AGR3: variants seen among roughly 807,000 people sequenced by gnomAD.
The protein encoded by AGR3 is anterior gradient protein 3.
AGR3 carries 37 observed loss-of-function variants against 24.5 expected under a neutral mutation model. The ratio of observed to expected loss-of-function variants is 1.51; its 90% CI spans 1.16 to 1.99. The LOEUF (loss-of-function observed/expected upper bound fraction) is 1.99. Ranked by LOEUF, AGR3 falls within the 30% of genes most tolerant of loss-of-function variation. The pLI, the probability that AGR3 is intolerant of heterozygous loss-of-function variation, is 0.00. For missense variants in AGR3, 228 were observed against 191.1 expected (o/e 1.19, Z -1.14); for synonymous variants, 75 against 61.6 (o/e 1.22, Z -1.02).
downstream of AGR3, among the ~76,000 whole-genome samples, chr7:16,858,050 C>G (rs535389042): frequency 3.3e-5 from 5 of 149,928 alleles, no homozygotes; most frequent in African/African-American, 9.9e-5. Context: ...TGCAATGGAA[C>G]GATCTTGGCT....
At chr7:16,869,869 G>A (rs1180102232) in intron 3 of AGR3, among the ~76,000 whole-genome samples, 1 of 151,464 alleles carries the variant, frequency 6.6e-6, no homozygotes, top group Non-Finnish European at 1.5e-5. Flanking sequence ...TAATGATTAA[G>A]GCCTAATCCC....
downstream of AGR3, among the ~76,000 whole-genome samples, chr7:16,859,231 CA>C (rs35424582): frequency 0.019 from 2,879 of 148,270 alleles, 95 homozygotes; most frequent in African/African-American, 0.068. Context: ...GACTGCATCT[CA>C]AAAAAAAAAA....
chr7:16,865,012 A>G, intron 3 of AGR3: 1 of 869,550 alleles, frequency 1.2e-6, no homozygotes. Context: ...CTCAGGTTCA[A>G]CAAGTATGTA....
chr7:16,861,619 G>T (rs1322483189), intron 5 of AGR3, among the ~76,000 whole-genome samples, 172 bp from the exon 6 acceptor site: 6 of 152,144 alleles, frequency 3.9e-5, no homozygotes, highest in Non-Finnish European at 7.4e-5. Context: ...AAAAAAAGGA[G>T]GCTGGGCATG....
intron 3 of AGR3, chr7:16,865,648 C>A (rs1350825299): frequency 3.8e-6 from 3 of 783,698 alleles, no homozygotes; most frequent in Admixed American, 3.5e-5. Context: ...GAATTATCTT[C>A]TTATCAGTTC....
rs1046606687 is a variant in AGR3, at chr7:16,878,760, T to C, written c.-27-115A>G. On this transcript the variant is annotated intron_variant, in intron 1 of 7. Transcript: ENST00000310398. ...ATGACAGACTGTTCAGCTTTTTTGGTTTGACATGGTATAACCAACCACATA... is the reference window on the plus strand; with the variant it reads ...ATGACAGACTGTTCAGCTTTTTTGGCTTGACATGGTATAACCAACCACATA... The C allele has an allele frequency of 7.1e-6, 5 of 705,962 alleles. No homozygotes were observed. The Admixed American group carries it at 1.4e-4, about 20-fold the overall frequency. 43.7% of individuals were successfully genotyped at this position (705,962 alleles called of 1,614,324 possible).
intron 3 of AGR3, chr7:16,873,502 A>G (rs1227096395): frequency 1.7e-5 from 5 of 286,776 alleles, no homozygotes; most frequent in Non-Finnish European, 3.3e-5. Context: ...ATAGCTAGAT[A>G]GGAGGAATAA....
At chr7:16,873,555 AC>A (rs1781925197) in intron 3 of AGR3, 1 of 501,334 alleles carries the variant, frequency 2.0e-6, no homozygotes, top group Admixed American at 3.2e-5. Flanking sequence ...CATACAGTTA[AC>A]AATAGTTTAT....
Position 16,881,459 on chromosome 7 carries a change from T to G in AGR3, c.-28+485A>C, listed in dbSNP as rs76091404. ...GTATCAGTTGCAAGGTTAAGCTACT[T>G]GGGGGAACACAGATAAATGTGGCAT... On this transcript the variant is annotated intron_variant, in intron 1 of 7. Transcript: ENST00000310398. Among the ~76,000 whole-genome samples, 1,230 of 152,292 alleles carry G rather than the reference T, an allele frequency of 8.1e-3. 22 individuals carry two copies. Among genetic ancestry groups the G allele is most frequent in the African/African-American group, 0.028 (1,165 of 41,564 alleles).
intron 2 of AGR3, among the ~76,000 whole-genome samples, chr7:16,876,190 G>A (rs547690072): frequency 2.6e-5 from 4 of 152,206 alleles, no homozygotes; most frequent in East Asian, 1.9e-4. Flanking sequence ...TATTTACTCT[G>A]TTATAATCAC....
intron 3 of AGR3, among the ~76,000 whole-genome samples, chr7:16,869,738 C>G (rs1369895172): frequency 6.7e-6 from 1 of 148,482 alleles, no homozygotes; most frequent in Admixed American, 6.8e-5. Context: ...TTGAGTCACT[C>G]TATGTCTTTT....
At chr7:16,880,084 TCC>T (rs1782076848) in intron 1 of AGR3, among the ~76,000 whole-genome samples, 2 of 128,500 alleles carry the variant, frequency 1.6e-5, no homozygotes, top group African/African-American at 3.0e-5. Flanking sequence ...CTTCCTTCTT[TCC>T]CCTTCCTTCC....
chr7:16,875,114 CAAAA>C (rs58302584), intron 2 of AGR3, among the ~76,000 whole-genome samples: 122,053 of 135,234 alleles, frequency 0.9, 55,680 homozygotes, highest in Non-Finnish European at 0.99. Context: ...GACTCCATCT[CAAAA>C]AAAAAAAAAA....
intron 1 of AGR3, among the ~76,000 whole-genome samples, chr7:16,881,137 A>T (rs965071928): frequency 1.3e-5 from 2 of 152,220 alleles, no homozygotes; most frequent in Non-Finnish European, 2.9e-5. Context: ...AAGCAGGTGG[A>T]ATCTGCATTT....
chr7:16,873,877 CAGA>C (rs773905308), intron 2 of AGR3, 34 bp from the exon 3 acceptor site: 1 of 1,533,168 alleles, frequency 6.5e-7, no homozygotes, highest in African/African-American at 1.4e-5. Flanking sequence ...TGCAGTAACC[CAGA>C]ACTAGAGAAG....
chr7:16,864,385 G>T, intron 3 of AGR3: 1 of 1,306,176 alleles, frequency 7.7e-7, no homozygotes, highest in Non-Finnish European at 1.1e-6. Flanking sequence ...CAGAGGAAGA[G>T]ACCAGGTTTC....
intron 1 of AGR3, among the ~76,000 whole-genome samples, chr7:16,880,769 A>G (rs1325477997): frequency 6.6e-6 from 1 of 152,110 alleles, no homozygotes; most frequent in African/African-American, 2.4e-5. Flanking sequence ...AAACAAATAC[A>G]GGGTGGATTT....
intron 6 of AGR3, 108 bp downstream of exon 6, chr7:16,861,276 G>T: frequency 3.9e-6 from 3 of 763,224 alleles, no homozygotes; most frequent in East Asian, 2.8e-5. Flanking sequence ...GATTAGAAAT[G>T]ACTTCTCTTT....
intron 3 of AGR3, among the ~76,000 whole-genome samples, chr7:16,871,694 T>A (rs991097768): frequency 1.3e-5 from 2 of 152,026 alleles, no homozygotes; most frequent in South Asian, 2.1e-4. Context: ...AATAAAAAAT[T>A]AGCTGGGCAT....
Sources: gnomAD v4.1 joint callset for allele counts (sites outside exome capture counted in the v4.1 genomes callset) on GRCh38, gnomAD v4.1.1 for gene constraint, MANE v1.5 for transcripts, NCBI Gene and HGNC (gene_info 2026-07-23, HGNC 2026-07-21) for gene names.